Variants in PDXP observed in about 807,000 individuals in gnomAD.
The protein encoded by PDXP is chronophin.
In PDXP, 15 loss-of-function variants were observed where a neutral mutation model predicts 14.4. The ratio of observed to expected loss-of-function variants is 1.04; its 90% CI spans 0.70 to 1.60. The LOEUF is 1.60. Among genes scored for constraint, PDXP ranks in the 40% most tolerant of loss-of-function variants. PDXP has a pLI of 0.00. For synonymous variants in PDXP, 233 were observed against 205.6 expected, an observed-to-expected ratio of 1.13 and a Z score of -1.14; for missense variants, 413 against 427.6, an observed-to-expected ratio of 0.97 and a Z score of 0.30.
chr22:37,665,192 G>A, intron 1 of PDXP: 1 of 303,384 alleles, frequency 3.3e-6, no homozygotes, highest in Non-Finnish European at 6.2e-6. Context: ...GGCTGTCAGG[G>A]TGAAATCGCG....
chr22:37,665,597 G>T lies in PDXP; in HGVS notation c.617G>T (p.Arg206Leu), dbSNP rs370741922. The change falls in exon 2 of 2, where the codon CGC (arginine) becomes CTC (leucine). Residue 206 changes from arginine (R) to leucine (L), a missense_variant. Transcript: ENST00000215904. Reference sequence around the variant, plus strand: ...GCTGCAGTGGAGACAGCCTCGGGACGCCAGGCCCTGGTGGTGGGCAAGCCC... The same window carrying T: ...GCTGCAGTGGAGACAGCCTCGGGACTCCAGGCCCTGGTGGTGGGCAAGCCC... The part of the protein sequence containing the change: ...LAAAVETASG[R>L]QALVVGKPSP... 15 of 1,612,798 alleles carry T rather than the reference G, an allele frequency of 9.3e-6. No homozygotes were observed. The highest frequency in any genetic ancestry group is 1.3e-5 in the African/African-American group (1 of 74,942).
Position 37,659,375 on chromosome 22 carries a change from G to C in PDXP, c.574+19G>C. The C allele has an allele frequency of 7.7e-7, 1 of 1,293,324 alleles. No individual in the cohort carries two copies. The highest frequency in any genetic ancestry group is 9.8e-7 in the Non-Finnish European group (1 of 1,018,814). The allele number at this position is 1,293,324 out of a possible 1,614,324, so 80.1% of individuals were successfully genotyped here. A position where few individuals can be genotyped will look rare whatever the true frequency, so the allele number is the denominator to read the frequency against. On this transcript the variant is annotated intron_variant, in intron 1 of 1. Transcript: ENST00000215904. Reference sequence around the variant, plus strand: ...ACCCCTGGTGAGCGCGGGAATGGCGGGGAAACTGAGATGGGGGCGACCTGC... The same window carrying C: ...ACCCCTGGTGAGCGCGGGAATGGCGCGGAAACTGAGATGGGGGCGACCTGC...
intron 1 of PDXP, among the ~76,000 whole-genome samples, chr22:37,660,015 T>A (rs1234230237): frequency 6.6e-6 from 1 of 152,158 alleles, no homozygotes. Flanking sequence ...TTGTCCCATT[T>A]CTCAAGTAAA....
Position 37,659,277 on chromosome 22 carries a change from C to T in PDXP, c.495C>T (p.His165=), listed in dbSNP as rs763776901. The T allele has an allele frequency of 1.6e-5, 21 of 1,317,582 alleles. No individual in the cohort carries two copies. The African/African-American group carries it at 2.5e-4, about 16-fold the overall frequency. The allele number at this position is 1,317,582 out of a possible 1,614,324, so 81.6% of individuals were successfully genotyped here. A position where few individuals can be genotyped will look rare whatever the true frequency, so the allele number is the denominator to read the frequency against. The part of the protein sequence containing the change: ...SFAKLREACA[H]LRDPECLLVA... ...CCAAGCTGAGGGAGGCGTGCGCGCACCTGCGCGACCCCGAGTGCCTACTCG... is the reference window on the plus strand; with the variant it reads ...CCAAGCTGAGGGAGGCGTGCGCGCATCTGCGCGACCCCGAGTGCCTACTCG... Residue 165 remains histidine (H), a synonymous_variant, in exon 1 of 2, where the codon CAC becomes CAT. Transcript: ENST00000215904.
rs1569018097 is a variant in PDXP at position 37,666,727 on chromosome 22, T to C, written c.*856T>C. On this transcript the variant is annotated 3_prime_UTR_variant, in exon 2 of 2. Coordinates refer to ENST00000215904, the MANE Select transcript of PDXP (RefSeq NM_020315.5). ...CCTGGTCATGGTACCCGTACAGCGT[T>C]GATGGCCACAGCTCGAAGGGGGGCT... 1 of 167,136 alleles carries C rather than the reference T, an allele frequency of 6.0e-6. No individual in the cohort carries two copies. The highest frequency in any genetic ancestry group is 6.5e-5 in the Admixed American group (1 of 15,286). The allele number at this position is 167,136 out of a possible 1,614,324, so 10.4% of individuals were successfully genotyped here. A position where few individuals can be genotyped will look rare whatever the true frequency, so the allele number is the denominator to read the frequency against.
intron 1 of PDXP, among the ~76,000 whole-genome samples, chr22:37,662,658 T>C (rs1933227200): frequency 1.3e-5 from 2 of 152,138 alleles, no homozygotes; most frequent in South Asian, 4.1e-4. Flanking sequence ...AACTAAGAAG[T>C]GATGAGTTTT....
Position 37,666,833 on chromosome 22 carries a change from G to A in PDXP, c.*962G>A, listed in dbSNP as rs1921100119. 6.0e-6 allele frequency: 1 copy of A among 167,080 alleles called. No homozygotes were observed. The highest frequency in any genetic ancestry group is 2.4e-5 in the African/African-American group (1 of 41,422). 10.3% of individuals were successfully genotyped at this position (167,080 alleles called of 1,614,324 possible). On this transcript the variant is annotated 3_prime_UTR_variant, in exon 2 of 2. Coordinates refer to ENST00000215904, the MANE Select transcript of PDXP (RefSeq NM_020315.5). Reference sequence around the variant, plus strand: ...TTGGCTATTTACTTATTTATTTATTGTGTGCCAGTGATGGTGGGTGGGGGC... The same window carrying A: ...TTGGCTATTTACTTATTTATTTATTATGTGCCAGTGATGGTGGGTGGGGGC...
At position 37,658,878 on chromosome 22, in the gene PDXP, C is replaced by T. The variant is rs1377721625; in HGVS notation, c.96C>T (p.Asn32=). The change falls in exon 1 of 2, where the codon AAC becomes AAT. Residue 32 remains asparagine (N), a synonymous_variant. Coordinates refer to ENST00000215904, the MANE Select transcript of PDXP (RefSeq NM_020315.5). ...VLFDCDGVLW[N]GERAVPGAPE... ...TCGACTGTGACGGGGTGCTGTGGAACGGCGAGCGCGCCGTGCCGGGCGCCC... is the reference window on the plus strand; with the variant it reads ...TCGACTGTGACGGGGTGCTGTGGAATGGCGAGCGCGCCGTGCCGGGCGCCC... 2 of 1,220,250 alleles carry T rather than the reference C, an allele frequency of 1.6e-6. No homozygotes were observed. The highest frequency in any genetic ancestry group is 1.6e-5 in the African/African-American group (1 of 63,642). The allele number at this position is 1,220,250 out of a possible 1,614,324, so 75.6% of individuals were successfully genotyped here.
chr22:37,658,918 C>T lies in PDXP; in HGVS notation c.136C>T (p.Arg46Trp), dbSNP rs936132810. 4.1e-6 allele frequency: 5 copies of T among 1,220,170 alleles called. No individual in the cohort carries two copies. Among genetic ancestry groups the T allele is most frequent in the Admixed American group, 4.4e-5 (1 of 22,522 alleles). The allele number at this position is 1,220,170 out of a possible 1,614,324, so 75.6% of individuals were successfully genotyped here. A position where few individuals can be genotyped will look rare whatever the true frequency, so the allele number is the denominator to read the frequency against. The change falls in exon 1 of 2, where the codon CGG becomes TGG. Residue 46 changes from arginine (R) to tryptophan (W), a missense_variant. By Grantham distance (101) the Arg-to-Trp change is moderately radical (BLOSUM62 -3). Transcript: ENST00000215904. ...GCCGGGCGCCCCGGAGCTGCTGGAG[C>T]GGCTGGCGCGGGCCGGCAAGGCGGC... ...AVPGAPELLERLARAGKAALF... is the reference protein window; with the variant it reads ...AVPGAPELLEWLARAGKAALF...
chr22:37,659,454 G>T (rs1933158745), intron 1 of PDXP, 98 bp downstream of exon 1: 2 of 960,334 alleles, frequency 2.1e-6, no homozygotes, highest in Non-Finnish European at 2.7e-6. Flanking sequence ...TCTCCAGGTG[G>T]CAGGTGGGGA....
Position 37,659,317 on chromosome 22 carries a change from G to T in PDXP, c.535G>T (p.Asp179Tyr). Residue 179 changes from aspartate to tyrosine, a missense_variant, in exon 1 of 2, where the codon GAC becomes TAC. Coordinates refer to ENST00000215904, the MANE Select transcript of PDXP (RefSeq NM_020315.5). The part of the protein sequence containing the change: ...PECLLVATDR[D>Y]PWHPLSDGSR... The stretch of plus-strand genomic sequence containing the variant: ...GTGCCTACTCGTGGCCACCGACCGT[G>T]ACCCATGGCACCCGCTGAGCGACGG... 7.7e-7 allele frequency: 1 copy of T among 1,303,740 alleles called. No individual in the cohort carries two copies. The highest frequency in any genetic ancestry group is 2.8e-5 in the South Asian group (1 of 35,508). 80.8% of individuals were successfully genotyped at this position (1,303,740 alleles called of 1,614,324 possible).
At chr22:37,662,321 C>A (rs1215863725) in intron 1 of PDXP, among the ~76,000 whole-genome samples, 1 of 152,106 alleles carries the variant, frequency 6.6e-6, no homozygotes, top group Non-Finnish European at 1.5e-5. Flanking sequence ...CCTTTGTTCC[C>A]CTTCCCCATC....
At chr22:37,659,398 T>C (rs780024928) in intron 1 of PDXP, 42 bp downstream of exon 1, 1 of 1,252,848 alleles carries the variant, frequency 8.0e-7, no homozygotes, top group East Asian at 2.8e-5. Context: ...GGGGGCGACC[T>C]GCGCATTCGC....
At position 37,659,349 on chromosome 22, in the gene PDXP, G is replaced by A. The variant is rs1933155133; in HGVS notation, c.567G>A (p.Arg189=). The A allele has an allele frequency of 2.3e-5, 30 of 1,299,882 alleles. No individual in the cohort carries two copies. The highest frequency in any genetic ancestry group is 2.7e-5 in the Non-Finnish European group (28 of 1,022,098). The allele number at this position is 1,299,882 out of a possible 1,614,324, so 80.5% of individuals were successfully genotyped here. The change falls in exon 1 of 2, where the codon CGG becomes CGA. Residue 189 remains arginine (R), a synonymous_variant. Transcript: ENST00000215904. ...DPWHPLSDGS[R]TPGTGSLAAA... is the part of the protein sequence containing the mutation. Reference sequence around the variant, plus strand: ...GGCACCCGCTGAGCGACGGCAGCCGGACCCCTGGTGAGCGCGGGAATGGCG... The same window carrying A: ...GGCACCCGCTGAGCGACGGCAGCCGAACCCCTGGTGAGCGCGGGAATGGCG...
rs776612734 is a variant in PDXP at position 37,658,994 on chromosome 22, G to A, written c.212G>A (p.Arg71His). 15 of 1,201,586 alleles carry A rather than the reference G, an allele frequency of 1.2e-5. No individual in the cohort carries two copies. Among genetic ancestry groups the A allele is most frequent in the South Asian group, 3.1e-5 (1 of 32,472 alleles). 74.4% of individuals were successfully genotyped at this position (1,201,586 alleles called of 1,614,324 possible). ...SRRARPELALRFARLGFGGLR... is the reference protein window; with the variant it reads ...SRRARPELALHFARLGFGGLR... ...CGCGCGCGGCCCGAGCTGGCCCTGC[G>A]CTTCGCGCGCCTCGGCTTCGGGGGG... Residue 71 changes from arginine (R) to histidine (H), a missense_variant, in exon 1 of 2, where the codon CGC becomes CAC. Physicochemically the swap from Arg to His is conservative, Grantham distance 29. Transcript: ENST00000215904.
chr22:37,659,329 C>G lies in PDXP; in HGVS notation c.547C>G (p.Pro183Ala), dbSNP rs1933154160. The G allele has an allele frequency of 7.7e-7, 1 of 1,302,500 alleles. No homozygotes were observed. 80.7% of individuals were successfully genotyped at this position (1,302,500 alleles called of 1,614,324 possible). ...GGCCACCGACCGTGACCCATGGCAC[C>G]CGCTGAGCGACGGCAGCCGGACCCC... ...LVATDRDPWH[P>A]LSDGSRTPGT... Residue 183 changes from proline to alanine, a missense_variant, in exon 1 of 2, where the codon CCG becomes GCG. By Grantham distance (27) the Pro-to-Ala change is conservative (BLOSUM62 -1). Coordinates refer to ENST00000215904, the MANE Select transcript of PDXP (RefSeq NM_020315.5).
chr22:37,661,266 G>A (rs1933196106), intron 1 of PDXP, among the ~76,000 whole-genome samples: 1 of 152,156 alleles, frequency 6.6e-6, no homozygotes, highest in African/African-American at 2.4e-5. Context: ...TAGAGGGGGA[G>A]GCAGAGGCTT....
intron 1 of PDXP, among the ~76,000 whole-genome samples, chr22:37,661,919 T>TTTTTTA (rs1933214286): frequency 2.5e-4 from 2 of 7,958 alleles, no homozygotes; most frequent in African/African-American, 7.0e-4. Context: ...TTTCTTTAAT[T>TTTTTTA]TTTTTTTTTT....
intron 1 of PDXP, among the ~76,000 whole-genome samples, chr22:37,662,674 C>T (rs1933227354): frequency 1.3e-5 from 2 of 152,176 alleles, no homozygotes; most frequent in South Asian, 4.1e-4. Context: ...GTTTTGAGAA[C>T]TTACTACCTT....
Sources: gnomAD v4.1 joint callset for allele counts (sites outside exome capture counted in the v4.1 genomes callset) on GRCh38, gnomAD v4.1.1 for gene constraint, MANE v1.5 for transcripts, NCBI Gene and HGNC (gene_info 2026-07-23, HGNC 2026-07-21) for gene names.